Variants in NOS1AP observed in about 807,000 individuals in gnomAD.
NOS1AP encodes the protein nitric oxide synthase 1 adaptor protein, also known as carboxyl-terminal PDZ ligand of neuronal nitric oxide synthase protein.
Under a neutral mutation model 56.2 loss-of-function variants are expected in NOS1AP, and 21 were observed. The ratio of observed to expected loss-of-function variants is 0.37; its 90% CI spans 0.26 to 0.54. The LOEUF (loss-of-function observed/expected upper bound fraction) is 0.54, where lower values mean the gene tolerates loss of function less well. Ranked by LOEUF, NOS1AP falls within the 20% of genes least tolerant of loss-of-function variation. The pLI is 0.84. For missense variants in NOS1AP, 522 were observed against 657.8 expected (o/e 0.79, Z 2.26); for synonymous variants, 270 against 274.6 (o/e 0.98, Z 0.17).
intron 2 of NOS1AP, among the ~76,000 whole-genome samples, chr1:162,170,127 T>G (rs997323666): frequency 6.6e-6 from 1 of 152,240 alleles, no homozygotes; most frequent in African/African-American, 2.4e-5. Context: ...GATTGTTGTT[T>G]ATTCTTATTC....
At chr1:162,250,314 G>A (rs1653808373) in intron 2 of NOS1AP, among the ~76,000 whole-genome samples, 1 of 152,178 alleles carries the variant, frequency 6.6e-6, no homozygotes, top group Admixed American at 6.5e-5. Context: ...CACTCTAGGA[G>A]GCTAAAAGTT....
At chr1:162,111,804 C>A (rs1343544444) in intron 1 of NOS1AP, among the ~76,000 whole-genome samples, 1 of 152,174 alleles carries the variant, frequency 6.6e-6, no homozygotes, top group Non-Finnish European at 1.5e-5. Context: ...AGCTGCTCTG[C>A]CCCTGGTCAG....
intron 3 of NOS1AP, among the ~76,000 whole-genome samples, chr1:162,288,743 G>A (rs10919081): frequency 0.29 from 43,993 of 152,038 alleles, 6,793 homozygotes; most frequent in East Asian, 0.59. Context: ...GATGCTGCAA[G>A]TATGTAGAAA....
At chr1:162,133,680 G>A (rs974142480) in intron 1 of NOS1AP, among the ~76,000 whole-genome samples, 3 of 152,112 alleles carry the variant, frequency 2.0e-5, no homozygotes, top group African/African-American at 7.2e-5. Context: ...CATTTTATTG[G>A]ACTATTTTAT....
chr1:162,186,418 C>CA (rs555138575), intron 2 of NOS1AP, among the ~76,000 whole-genome samples: 1,771 of 148,738 alleles, frequency 0.012, 9 homozygotes, highest in African/African-American at 0.015. Context: ...CAAAACAAAA[C>CA]AAAAAAAAAC....
rs565936875 is a variant in NOS1AP, at chr1:162,120,156, T to A, written c.106-34249T>A. The stretch of plus-strand genomic sequence containing the variant: ...ACATGTATGTGTATATATATGTATA[T>A]ATCAAAATATACCCTTTAGCTGAAT... On this transcript the variant is annotated intron_variant, in intron 1 of 9. Transcript: ENST00000361897. 1.9e-3 allele frequency among the ~76,000 whole-genome samples: 292 copies of A among 152,214 alleles called. 1 individual carries two copies. Among genetic ancestry groups the A allele is most frequent in the African/African-American group, 6.7e-3 (278 of 41,530 alleles).
chr1:162,313,402 C>T (rs972077590), intron 4 of NOS1AP, among the ~76,000 whole-genome samples: 7 of 152,322 alleles, frequency 4.6e-5, no homozygotes, highest in South Asian at 4.1e-4. Flanking sequence ...TATTGACACT[C>T]GGATATTCTT....
intron 2 of NOS1AP, among the ~76,000 whole-genome samples, chr1:162,240,820 C>T (rs4657178): frequency 0.32 from 48,169 of 152,092 alleles, 7,937 homozygotes; most frequent in East Asian, 0.52. Context: ...GGGATTTCAC[C>T]TGGAGCAATT....
intron 1 of NOS1AP, among the ~76,000 whole-genome samples, chr1:162,148,853 C>A (rs1487699356): frequency 2.6e-5 from 4 of 152,102 alleles, no homozygotes; most frequent in African/African-American, 9.7e-5. Flanking sequence ...TTTCTGGGAT[C>A]AGGTAATGGC....
intron 6 of NOS1AP, 65 bp downstream of exon 6, chr1:162,344,041 C>T: frequency 6.4e-7 from 1 of 1,568,268 alleles, no homozygotes; most frequent in Middle Eastern, 1.7e-4. Context: ...TCTGGTGGAT[C>T]ACTGCCCTGA....
At position 162,355,282 on chromosome 1, in the gene NOS1AP, C is replaced by T. The variant is rs1179818194; in HGVS notation, c.691C>T (p.Leu231=). Residue 231 remains leucine (L), a synonymous_variant, in exon 7 of 10, where the codon CTG becomes TTG. Transcript: ENST00000361897. ...VEVPLPGNDV[L]EFSRGVTDLD... is the part of the protein sequence containing the mutation. ...GGTCCCACTTCCAGGGAATGATGTC[C>T]TGGAATTCAGCCGAGGTGTGACTGA... 8 of 1,613,976 alleles carry T rather than the reference C, an allele frequency of 5.0e-6. No individual in the cohort carries two copies. The highest frequency in any genetic ancestry group is 4.0e-5 in the African/African-American group (3 of 74,892).
chr1:162,228,276 C>G (rs190054361), intron 2 of NOS1AP, among the ~76,000 whole-genome samples: 9 of 152,284 alleles, frequency 5.9e-5, no homozygotes, highest in African/African-American at 2.2e-4. Flanking sequence ...ACTAATCCTT[C>G]CACTGTGAAT....
At chr1:162,126,465 T>C (rs549676818) in intron 1 of NOS1AP, among the ~76,000 whole-genome samples, 2 of 152,230 alleles carry the variant, frequency 1.3e-5, no homozygotes, top group African/African-American at 4.8e-5. Context: ...AGACACAAAA[T>C]ATTGGTTTGT....
intron 2 of NOS1AP, among the ~76,000 whole-genome samples, chr1:162,158,330 T>A (rs1650055762): frequency 6.6e-6 from 1 of 152,240 alleles, no homozygotes; most frequent in Admixed American, 6.5e-5. Context: ...ATTTCCTTCC[T>A]TTTTAAGGCT....
chr1:162,257,241 G>T (rs1553199675), intron 2 of NOS1AP, among the ~76,000 whole-genome samples: 1 of 152,194 alleles, frequency 6.6e-6, no homozygotes, highest in Non-Finnish European at 1.5e-5. Context: ...AAATGCTGGG[G>T]AGTTGGTACA....
chr1:162,232,210 C>T (rs1338868214), intron 2 of NOS1AP, among the ~76,000 whole-genome samples: 1 of 152,122 alleles, frequency 6.6e-6, no homozygotes, highest in Non-Finnish European at 1.5e-5. Context: ...AAAGATCTTG[C>T]CATTCTGAGT....
At chr1:162,214,003 A>G (rs4130864) in intron 2 of NOS1AP, among the ~76,000 whole-genome samples, 5,237 of 152,320 alleles carry the variant, frequency 0.034, 131 homozygotes, top group Non-Finnish European at 0.049. Context: ...GCCAGGCACT[A>G]TAATGGGGGA....
chr1:162,366,694 C>G (rs533353674), intron 9 of NOS1AP, among the ~76,000 whole-genome samples: 2 of 152,272 alleles, frequency 1.3e-5, no homozygotes, highest in South Asian at 4.1e-4. Flanking sequence ...CTAATTAATG[C>G]TTATTTACAT....
intron 1 of NOS1AP, among the ~76,000 whole-genome samples, chr1:162,098,865 A>T (rs572660130): frequency 6.6e-6 from 1 of 152,310 alleles, no homozygotes; most frequent in African/African-American, 2.4e-5. Context: ...ATGGCTGCAT[A>T]GTATCCCATG....
Sources: allele counts gnomAD v4.1 joint callset (sites outside exome capture counted in the v4.1 genomes callset), GRCh38; gene constraint gnomAD v4.1.1; transcripts MANE v1.5; gene names NCBI Gene and HGNC (gene_info 2026-07-23, HGNC 2026-07-21).